NOP10: variants seen among roughly 807,000 people sequenced by gnomAD.
NOP10 encodes the protein NOP10 ribonucleoprotein, also known as H/ACA ribonucleoprotein complex subunit 3.
A neutral mutation model predicts 9.5 loss-of-function variants in NOP10; 6 were observed. The ratio of observed to expected loss-of-function variants is 0.63; its 90% CI spans 0.35 to 1.25. NOP10 has a LOEUF of 1.25. Among genes scored for constraint, NOP10 ranks in the 50% most tolerant of loss-of-function variants. NOP10 has a pLI of 0.03. For synonymous variants in NOP10, 28 were observed against 30.7 expected (o/e 0.91, Z 0.29); for missense variants, 75 against 81.3 (o/e 0.92, Z 0.30).
At chr15:34,342,166 A>G in intron 1 of NOP10, 58 bp from the exon 2 acceptor site, 1 of 1,491,680 alleles carries the variant, frequency 6.7e-7, no homozygotes, top group Admixed American at 1.7e-5. Flanking sequence ...GGGTGGGGCC[A>G]GCGCGAAAAA....
intron 1 of NOP10, among the ~76,000 whole-genome samples, chr15:34,342,692 G>T (rs957737156): frequency 1.3e-4 from 20 of 151,730 alleles, no homozygotes; most frequent in African/African-American, 4.8e-4. Context: ...GATAACAGGC[G>T]CACACCGCCA....
At chr15:34,342,888 GGTTCT>G in intron 1 of NOP10, 127 bp downstream of exon 1, 1 of 888,962 alleles carries the variant, frequency 1.1e-6, no homozygotes, top group South Asian at 1.3e-5. Context: ...GCGCGGTCCC[GGTTCT>G]TCCCCACCTC....
chr15:34,342,736 G>A (rs568484697), intron 1 of NOP10, among the ~76,000 whole-genome samples: 1 of 152,126 alleles, frequency 6.6e-6, no homozygotes, highest in Admixed American at 6.5e-5. Context: ...TAGTAGAAAC[G>A]GAGTTTCACA....
At chr15:34,342,992 C>T in intron 1 of NOP10, 28 bp downstream of exon 1, 3 of 1,606,012 alleles carry the variant, frequency 1.9e-6, no homozygotes, top group Non-Finnish European at 8.5e-7. Context: ...CTCGCCATGC[C>T]TATTTACACC....
rs1218849769 is a variant in NOP10, at chr15:34,341,844, CGA to C, written c.*122_*123del. The C allele has an allele frequency of 5.1e-6, 5 of 983,324 alleles. No homozygotes were observed. Among genetic ancestry groups the C allele is most frequent in the Non-Finnish European group, 7.9e-6 (5 of 631,612 alleles). The allele number at this position is 983,324 out of a possible 1,614,324, so 60.9% of individuals were successfully genotyped here. A position where few individuals can be genotyped will look rare whatever the true frequency, so the allele number is the denominator to read the frequency against. On this transcript the variant is annotated 3_prime_UTR_variant, in exon 2 of 2. Coordinates refer to ENST00000328848, the MANE Select transcript of NOP10 (RefSeq NM_018648.4). ...CTCACACAAGCATAATCAATCGCCA[CGA>C]GAGACTGGATGCCAAAGAGTATGGC...
In NOP10 at chr15:34,341,888, G is replaced by C. The variant is rs983946861; in HGVS notation, c.*80C>G. 2 of 1,463,822 alleles carry C rather than the reference G, an allele frequency of 1.4e-6. No homozygotes were observed. Among genetic ancestry groups the C allele is most frequent in the East Asian group, 2.3e-5 (1 of 43,034 alleles). 90.7% of individuals were successfully genotyped at this position (1,463,822 alleles called of 1,614,324 possible). A position where few individuals can be genotyped will look rare whatever the true frequency, so the allele number is the denominator to read the frequency against. On this transcript the variant is annotated 3_prime_UTR_variant, in exon 2 of 2. Transcript: ENST00000328848. The stretch of plus-strand genomic sequence containing the variant: ...GAGTATGGCTGGCAAAAAGGCATCA[G>C]GGCTCACAGTCCGAAGAGTTTGGTT...
chr15:34,342,201 C>G, intron 1 of NOP10, 93 bp from the exon 2 acceptor site: 3 of 1,078,432 alleles, frequency 2.8e-6, no homozygotes, highest in Non-Finnish European at 4.3e-6. Flanking sequence ...ATAGAAGATG[C>G]AATGGTCAAC....
Position 34,341,992 on chromosome 15 carries a change from G to T in NOP10, c.171C>A (p.Thr57=). 2 of 1,614,068 alleles carry T rather than the reference G, an allele frequency of 1.2e-6. No homozygotes were observed. The highest frequency in any genetic ancestry group is 1.7e-6 in the Non-Finnish European group (2 of 1,180,026). Residue 57 remains threonine, a synonymous_variant, in exon 2 of 2, where the codon ACC becomes ACA. Coordinates refer to ENST00000328848, the MANE Select transcript of NOP10 (RefSeq NM_018648.4). ...CTCAGAGGACAGGGCGCGGTTGCTG[G>T]GTCATGAGCACCTTGAAGCGTTTCT... ...TIKKRFKVLM[T]QQPRPVL
At chr15:34,342,171 G>A (rs1255075760) in intron 1 of NOP10, 63 bp from the exon 2 acceptor site, 10 of 1,414,600 alleles carry the variant, frequency 7.1e-6, no homozygotes, top group Non-Finnish European at 6.0e-6. Flanking sequence ...GGGCCAGCGC[G>A]AAAAAGGGCA....
rs115413508 is a variant in NOP10, at chr15:34,341,839, C to T, written c.*129G>A. 2,429 of 936,098 alleles carry T rather than the reference C, an allele frequency of 2.6e-3. 30 individuals are homozygous for T. In the African/African-American group the frequency reaches 0.03, roughly 12 times the overall value. The allele number at this position is 936,098 out of a possible 1,614,324, so 58.0% of individuals were successfully genotyped here. The stretch of plus-strand genomic sequence containing the variant: ...ATTGCCTCACACAAGCATAATCAAT[C>T]GCCACGAGAGACTGGATGCCAAAGA... On this transcript the variant is annotated 3_prime_UTR_variant, in exon 2 of 2. Transcript: ENST00000328848.
chr15:34,342,008 A>C lies in NOP10; in HGVS notation c.155T>G (p.Phe52Cys). 1.2e-6 allele frequency: 2 copies of C among 1,614,130 alleles called. No individual in the cohort carries two copies. Among genetic ancestry groups the C allele is most frequent in the Non-Finnish European group, 1.7e-6 (2 of 1,180,034 alleles). ...CGGTTGCTGGGTCATGAGCACCTTGAAGCGTTTCTTGATGGTGATTCGGTG... is the reference window on the plus strand; with the variant it reads ...CGGTTGCTGGGTCATGAGCACCTTGCAGCGTTTCTTGATGGTGATTCGGTG... ...SRHRITIKKR[F>C]KVLMTQQPRP... Residue 52 changes from phenylalanine (F) to cysteine (C), a missense_variant, in exon 2 of 2, where the codon TTC (phenylalanine) becomes TGC (cysteine). By Grantham distance (205) the Phe-to-Cys change is radical (BLOSUM62 -2). Transcript: ENST00000328848.
At chr15:34,342,239 A>T in intron 1 of NOP10, 131 bp from the exon 2 acceptor site, 1 of 882,142 alleles carries the variant, frequency 1.1e-6, no homozygotes. Context: ...TAAATAGAGA[A>T]ATATAAAATT....
At position 34,342,564 on chromosome 15, in the gene NOP10, TAAAAAAAAAAAA is replaced by T. The variant is rs750902937; in HGVS notation, c.54+444_54+455del. Among the ~76,000 whole-genome samples the T allele has an allele frequency of 2.1e-4, 22 of 102,752 alleles. 1 individual carries two copies. Among genetic ancestry groups the T allele is most frequent in the Middle Eastern group, 9.6e-3 (2 of 208 alleles). The allele number at this position is 102,752 out of a possible 152,430, so 67.4% of individuals were successfully genotyped here. On this transcript the variant is annotated intron_variant, in intron 1 of 1. Coordinates refer to ENST00000328848, the MANE Select transcript of NOP10 (RefSeq NM_018648.4). ...AGGCAACAAAGCGAGTCCCTGTCTT[TAAAAAAAAAAAA>T]AAAAAAAAAAAGGAAAAGTGAGTGC...
intron 1 of NOP10, 100 bp downstream of exon 1, chr15:34,342,920 G>A: frequency 8.7e-7 from 1 of 1,148,404 alleles, no homozygotes; most frequent in Non-Finnish European, 1.3e-6. Context: ...GGACTTTCTG[G>A]TTCCCCGCAC....
chr15:34,341,861 A>T lies in NOP10; in HGVS notation c.*107T>A. On this transcript the variant is annotated 3_prime_UTR_variant, in exon 2 of 2. Coordinates refer to ENST00000328848, the MANE Select transcript of NOP10 (RefSeq NM_018648.4). Reference sequence around the variant, plus strand: ...AATCGCCACGAGAGACTGGATGCCAAAGAGTATGGCTGGCAAAAAGGCATC... The same window carrying T: ...AATCGCCACGAGAGACTGGATGCCATAGAGTATGGCTGGCAAAAAGGCATC... 8.7e-7 allele frequency: 1 copy of T among 1,151,054 alleles called. No individual in the cohort carries two copies. The highest frequency in any genetic ancestry group is 1.3e-5 in the South Asian group (1 of 76,914). The allele number at this position is 1,151,054 out of a possible 1,614,324, so 71.3% of individuals were successfully genotyped here. A position where few individuals can be genotyped will look rare whatever the true frequency, so the allele number is the denominator to read the frequency against.
rs560645947 is a variant in NOP10, at chr15:34,342,501, T to A, written c.55-393A>T. 8.1e-5 allele frequency among the ~76,000 whole-genome samples: 11 copies of A among 136,138 alleles called. No individual in the cohort carries two copies. The South Asian group carries it at 2.4e-3, about 29-fold the overall frequency. The allele number at this position is 136,138 out of a possible 152,430, so 89.3% of individuals were successfully genotyped here. ...ATTGTTTGAGCCCAGGAGGCGGAGG[T>A]TGCAGTGAGCCGAGACCGCACCACC... On this transcript the variant is annotated intron_variant, in intron 1 of 1. Coordinates refer to ENST00000328848, the MANE Select transcript of NOP10 (RefSeq NM_018648.4).
At chr15:34,342,851 T>C (rs558354823) in intron 1 of NOP10, among the ~76,000 whole-genome samples, 169 bp downstream of exon 1, 3 of 152,238 alleles carry the variant, frequency 2.0e-5, no homozygotes, top group African/African-American at 7.2e-5. Context: ...CCCGCCAGAA[T>C]TTTTTCTTTT....
At chr15:34,342,970 C>T (rs1271257841) in intron 1 of NOP10, 50 bp downstream of exon 1, 1 of 1,535,636 alleles carries the variant, frequency 6.5e-7, no homozygotes, top group South Asian at 1.1e-5. Flanking sequence ...CCCACTCCTC[C>T]CATCTACATT....
At chr15:34,342,974 C>T in intron 1 of NOP10, 46 bp downstream of exon 1, 2 of 1,564,360 alleles carry the variant, frequency 1.3e-6, no homozygotes, top group Non-Finnish European at 1.8e-6. Context: ...CTCCTCCCAT[C>T]TACATTTCTC....
Sources: allele counts gnomAD v4.1 joint callset (sites outside exome capture counted in the v4.1 genomes callset), GRCh38; gene constraint gnomAD v4.1.1; transcripts MANE v1.5; gene names NCBI Gene and HGNC (gene_info 2026-07-23, HGNC 2026-07-21).